The following CFI variants were observed in gnomAD, a reference collection of about 807,000 sequenced individuals.
CFI encodes complement factor I.
CFI carries 66 observed loss-of-function variants against 78.8 expected under a neutral mutation model. The observed-to-expected ratio is 0.84, with a 90% CI of 0.69 to 1.03. CFI has a LOEUF of 1.03. Ranked by LOEUF, CFI falls within the 50% of genes least tolerant of loss-of-function variation. The probability of loss-of-function intolerance (pLI) is 0.00; values close to 1 mark genes in which losing one functional copy is unlikely to be tolerated. For missense variants in CFI, 706 were observed against 704.5 expected (o/e 1.00, Z -0.02); for synonymous variants, 250 against 232.6 (o/e 1.07, Z -0.68).
chr4:109,795,573 CAAAGAGCTATA>C (rs1487350885), intron 1 of CFI, among the ~76,000 whole-genome samples: 1 of 152,038 alleles, frequency 6.6e-6, no homozygotes, highest in Non-Finnish European at 1.5e-5. Context: ...TAAAGAAGCT[CAAAGAGCTATA>C]AAAGGACACA....
chr4:109,761,675 C>G lies in CFI; in HGVS notation c.500G>C (p.Arg167Thr), dbSNP rs1064795516. Residue 167 changes from arginine to threonine, a missense_variant, in exon 4 of 13, where the codon AGA becomes ACA. Arg to Thr is a moderately conservative substitution (Grantham distance 71). Transcript: ENST00000394634. ...LGFQQGADTQ[R>T]RFKLSDLSIN... ...AGAGAGATCAGACAACTTAAACCTTCTTTGAGTATCAGCACCTCTGCAAAT... is the reference window on the plus strand; with the variant it reads ...AGAGAGATCAGACAACTTAAACCTTGTTTGAGTATCAGCACCTCTGCAAAT... The G allele has an allele frequency of 6.2e-7, 1 of 1,612,400 alleles. No homozygotes were observed. Among genetic ancestry groups the G allele is most frequent in the Non-Finnish European group, 8.5e-7 (1 of 1,178,662 alleles).
rs112591200 is a variant in CFI, at chr4:109,769,181, T to C, written c.58-2357A>G. 4.4e-3 allele frequency among the ~76,000 whole-genome samples: 673 copies of C among 152,320 alleles called. 5 individuals carry two copies. The highest frequency in any genetic ancestry group is 0.014 in the African/African-American group (601 of 41,560). ...TGATTTTTTTCTACCTTTATTCCTT[T>C]AAATCATTTCTGAAATCTCATTCCT... On this transcript the variant is annotated intron_variant, in intron 1 of 12. Coordinates refer to ENST00000394634, the MANE Select transcript of CFI (RefSeq NM_000204.5).
chr4:109,788,110 T>C (rs528908418), intron 1 of CFI, among the ~76,000 whole-genome samples: 1 of 152,072 alleles, frequency 6.6e-6, no homozygotes, highest in Non-Finnish European at 1.5e-5. Context: ...AGTGGCCCTA[T>C]AATCAGCCCG....
the CFI span, among the ~76,000 whole-genome samples, chr4:109,731,996 C>A: frequency 6.6e-6 from 1 of 151,798 alleles, no homozygotes; most frequent in Non-Finnish European, 1.5e-5. Context: ...TCTGAGATAC[C>A]ACCACCTGAA....
downstream of CFI, among the ~76,000 whole-genome samples, chr4:109,736,112 AAGTTG>A (rs1723356131): frequency 6.6e-6 from 1 of 152,220 alleles, no homozygotes; most frequent in South Asian, 2.1e-4. Context: ...AGAATGCTTG[AAGTTG>A]CTAGTTACAG....
chr4:109,753,664 GTATAATTTTATATTATATATTATA>G, intron 7 of CFI, among the ~76,000 whole-genome samples: 1 of 97,790 alleles, frequency 1.0e-5, no homozygotes, highest in Non-Finnish European at 1.8e-5. Flanking sequence ...ATTATATAAT[GTATAATTTTATATTATATATTATA>G]TAATGTATAA....
chr4:109,800,176 T>G (rs2125880083), intron 1 of CFI, among the ~76,000 whole-genome samples: 1 of 152,242 alleles, frequency 6.6e-6, no homozygotes, highest in African/African-American at 2.4e-5. Context: ...ATTACCCCAG[T>G]TCTTTCTCTC....
At chr4:109,765,201 C>A (rs928116744) in intron 2 of CFI, among the ~76,000 whole-genome samples, 1 of 152,192 alleles carries the variant, frequency 6.6e-6, no homozygotes, top group African/African-American at 2.4e-5. Flanking sequence ...TAGATGAGCT[C>A]AAACAGGGAG....
At chr4:109,764,485 A>T in intron 3 of CFI, 52 bp downstream of exon 3, 3 of 1,603,862 alleles carry the variant, frequency 1.9e-6, no homozygotes, top group Non-Finnish European at 2.6e-6. Flanking sequence ...ATCAAAAAGC[A>T]AACAGAACAA....
rs1184873794 is a variant in CFI at position 109,769,852 on chromosome 4, C to T, written c.58-3028G>A. 2.0e-5 allele frequency among the ~76,000 whole-genome samples: 3 copies of T among 152,206 alleles called. No homozygotes were observed. The East Asian group carries it at 5.8e-4, about 29-fold the overall frequency. ...GAAACAGGGCTTGCTCCAACACAGC[C>T]ACCTCTTTTATCTCTGCCACCAGGC... On this transcript the variant is annotated intron_variant, in intron 1 of 12. Transcript: ENST00000394634.
In CFI at chr4:109,782,741, G is replaced by A. The variant is rs138882307; in HGVS notation, c.58-15917C>T. Reference sequence around the variant, plus strand: ...GCCAAAGCAAGACTAAGCAAAAAGAGCAAATCTGGAAGCATCACACTACCT... The same window carrying A: ...GCCAAAGCAAGACTAAGCAAAAAGAACAAATCTGGAAGCATCACACTACCT... On this transcript the variant is annotated intron_variant, in intron 1 of 12. Coordinates refer to ENST00000394634, the MANE Select transcript of CFI (RefSeq NM_000204.5). Among the ~76,000 whole-genome samples the A allele has an allele frequency of 9.1e-3, 1,380 of 151,932 alleles. 14 individuals are homozygous for A. Among genetic ancestry groups the A allele is most frequent in the African/African-American group, 0.032 (1,310 of 41,472 alleles).
At chr4:109,751,790 G>A (rs1725172942) in intron 8 of CFI, among the ~76,000 whole-genome samples, 1 of 151,970 alleles carries the variant, frequency 6.6e-6, no homozygotes, top group African/African-American at 2.4e-5. Flanking sequence ...ACTTAATTTT[G>A]GTTACTGACA....
downstream of CFI, among the ~76,000 whole-genome samples, chr4:109,740,293 A>G (rs1052983640): frequency 3.9e-5 from 6 of 152,094 alleles, no homozygotes; most frequent in South Asian, 4.2e-4. Context: ...TTTGCCTCAA[A>G]AAAAGAAAGA....
intron 10 of CFI, among the ~76,000 whole-genome samples, chr4:109,746,714 C>T (rs189927379): frequency 6.6e-6 from 1 of 152,254 alleles, no homozygotes; most frequent in Admixed American, 6.5e-5. Flanking sequence ...ATCCATGTAA[C>T]TGCTCAATAT....
downstream of CFI, among the ~76,000 whole-genome samples, chr4:109,735,779 A>C (rs1323929358): frequency 6.6e-6 from 1 of 152,256 alleles, no homozygotes; most frequent in Admixed American, 6.5e-5. Context: ...TCAGACTTAC[A>C]TCTGGAAAAC....
intron 1 of CFI, among the ~76,000 whole-genome samples, chr4:109,800,048 A>G (rs761032983): frequency 1.3e-5 from 2 of 148,614 alleles, no homozygotes; most frequent in East Asian, 2.0e-4. Flanking sequence ...GTAGAAATGG[A>G]TTTTTGGTTT....
chr4:109,757,495 A>G (rs1349163275), intron 7 of CFI, among the ~76,000 whole-genome samples: 1 of 152,206 alleles, frequency 6.6e-6, no homozygotes, highest in Non-Finnish European at 1.5e-5. Context: ...GAGAAAATGA[A>G]GAGAAAGGTA....
intron 7 of CFI, among the ~76,000 whole-genome samples, chr4:109,755,338 C>A (rs2126204634): frequency 6.6e-6 from 1 of 152,192 alleles, no homozygotes; most frequent in African/African-American, 2.4e-5. Flanking sequence ...AACAGCACTG[C>A]CAAAGAACAT....
chr4:109,754,237 C>A (rs1489845172), intron 7 of CFI, among the ~76,000 whole-genome samples: 6 of 151,358 alleles, frequency 4.0e-5, no homozygotes, highest in Non-Finnish European at 7.4e-5. Flanking sequence ...CCGCCTTGGC[C>A]TCCCAAAGTG....
Sources: gnomAD v4.1 joint callset for allele counts (sites outside exome capture counted in the v4.1 genomes callset) on GRCh38, gnomAD v4.1.1 for gene constraint, MANE v1.5 for transcripts, NCBI Gene and HGNC (gene_info 2026-07-23, HGNC 2026-07-21) for gene names.